DNAH9: variants seen among roughly 807,000 people sequenced by gnomAD.
The protein encoded by DNAH9 is DNAH9 variant protein.
In DNAH9, 345 loss-of-function variants were observed where a neutral mutation model predicts 471.6. The observed-to-expected ratio is 0.73, with a 90% CI of 0.67 to 0.80. The LOEUF is 0.80. DNAH9 is among the 30% of genes least tolerant of loss of function. The pLI is 0.00. For synonymous variants in DNAH9, 2,093 were observed against 2,123.6 expected, an observed-to-expected ratio of 0.99 and a Z score of 0.40; for missense variants, 5,407 against 5,609.2, an observed-to-expected ratio of 0.96 and a Z score of 1.15.
intron 43 of DNAH9, among the ~76,000 whole-genome samples, chr17:11,805,865 T>C (rs1462603783): frequency 6.6e-6 from 1 of 151,828 alleles, no homozygotes; most frequent in Non-Finnish European, 1.5e-5. Flanking sequence ...CAAAGAACTT[T>C]TTATTGCTAC....
At chr17:11,755,665 T>G (rs1967351966) in intron 33 of DNAH9, among the ~76,000 whole-genome samples, 1 of 151,268 alleles carries the variant, frequency 6.6e-6, no homozygotes, top group African/African-American at 2.5e-5. Context: ...TAAATAACTT[T>G]TTTTTTCTGA....
chr17:11,943,138 C>G (rs1974997812), intron 67 of DNAH9, among the ~76,000 whole-genome samples: 1 of 151,858 alleles, frequency 6.6e-6, no homozygotes, highest in Non-Finnish European at 1.5e-5. Context: ...TCATAATCCA[C>G]CCGCCTCAGC....
intron 32 of DNAH9, among the ~76,000 whole-genome samples, chr17:11,748,174 A>G (rs936334232): frequency 7.8e-6 from 1 of 128,086 alleles, no homozygotes; most frequent in Admixed American, 8.2e-5. Flanking sequence ...AAAAAAAAAA[A>G]AAATCAGCTG....
At chr17:11,782,879 G>A (rs1162372884) in intron 39 of DNAH9, among the ~76,000 whole-genome samples, 1 of 152,160 alleles carries the variant, frequency 6.6e-6, no homozygotes, top group Non-Finnish European at 1.5e-5. Flanking sequence ...CTGGGTGACC[G>A]AGCAAGACTC....
At chr17:11,772,795 T>C (rs1315403663) in intron 38 of DNAH9, among the ~76,000 whole-genome samples, 1 of 152,158 alleles carries the variant, frequency 6.6e-6, no homozygotes, top group Non-Finnish European at 1.5e-5. Flanking sequence ...ACCTCTCCTG[T>C]CCAGAGGCAA....
chr17:11,664,832 G>C lies in DNAH9; in HGVS notation c.2596-1G>C. The C allele has an allele frequency of 6.2e-7, 1 of 1,611,524 alleles. No individual in the cohort carries two copies. Among genetic ancestry groups the C allele is most frequent in the Non-Finnish European group, 8.5e-7 (1 of 1,178,290 alleles). ...TATATCCTTTCTTCTTCCTTTTATAGGAAAACCTGGGTCTATTTTCAGCAG... is the reference window on the plus strand; with the variant it reads ...TATATCCTTTCTTCTTCCTTTTATACGAAAACCTGGGTCTATTTTCAGCAG... On this transcript the variant is annotated splice_acceptor_variant, in intron 14 of 68. Coordinates refer to ENST00000262442, the MANE Select transcript of DNAH9 (RefSeq NM_001372.4). LOFTEE classifies it high-confidence loss of function.
At chr17:11,941,373 T>C (rs1170989189) in intron 66 of DNAH9, among the ~76,000 whole-genome samples, 1 of 152,108 alleles carries the variant, frequency 6.6e-6, no homozygotes, top group Non-Finnish European at 1.5e-5. Flanking sequence ...GGCTGTGTGG[T>C]CTATTATGTC....
In DNAH9 at chr17:11,888,201, G is replaced by A. The variant is rs144204571; in HGVS notation, c.11112+1236G>A. Reference sequence around the variant, plus strand: ...GGGTTTCACTGTGTTAGCCAGGATGGTCTCGATCTCCGGACTTCGTGATCC... The same window carrying A: ...GGGTTTCACTGTGTTAGCCAGGATGATCTCGATCTCCGGACTTCGTGATCC... On this transcript the variant is annotated intron_variant, in intron 57 of 68. Coordinates refer to ENST00000262442, the MANE Select transcript of DNAH9 (RefSeq NM_001372.4). 1.6e-3 allele frequency among the ~76,000 whole-genome samples: 239 copies of A among 151,976 alleles called. 5 individuals are homozygous for A. In the East Asian group the frequency reaches 0.034, roughly 22 times the overall value.
chr17:11,819,061 A>G (rs903194659), intron 45 of DNAH9, among the ~76,000 whole-genome samples: 1 of 151,656 alleles, frequency 6.6e-6, no homozygotes, highest in African/African-American at 2.4e-5. Flanking sequence ...CTCTTCTCTG[A>G]TTTCAAACAT....
At chr17:11,956,113 CG>C (rs2151445889) in intron 67 of DNAH9, among the ~76,000 whole-genome samples, 1 of 152,032 alleles carries the variant, frequency 6.6e-6, no homozygotes, top group East Asian at 1.9e-4. Context: ...AAAAAAACTA[CG>C]TATCCAGCTA....
chr17:11,785,203 A>T (rs992480734), intron 41 of DNAH9, among the ~76,000 whole-genome samples: 1 of 152,036 alleles, frequency 6.6e-6, no homozygotes, highest in Admixed American at 6.6e-5. Context: ...GTCTGGTCAG[A>T]TGTAGTATCC....
intron 67 of DNAH9, among the ~76,000 whole-genome samples, chr17:11,954,431 AGAG>A (rs1313731335): frequency 2.0e-5 from 3 of 152,182 alleles, no homozygotes; most frequent in African/African-American, 7.2e-5. Flanking sequence ...AAAAGCAGCA[AGAG>A]GAGAAAAATA....
At chr17:11,868,478 T>C (rs746909380) in intron 50 of DNAH9, among the ~76,000 whole-genome samples, 1 of 152,116 alleles carries the variant, frequency 6.6e-6, no homozygotes, top group Non-Finnish European at 1.5e-5. Context: ...TTTTTAAATA[T>C]TGAAATTATG....
At chr17:11,603,905 G>A (rs1393005418) in intron 1 of DNAH9, among the ~76,000 whole-genome samples, 1 of 152,118 alleles carries the variant, frequency 6.6e-6, no homozygotes, top group Non-Finnish European at 1.5e-5. Context: ...GTTTGTCATA[G>A]CTCATGATCA....
chr17:11,769,424 G>A, intron 38 of DNAH9, 95 bp downstream of exon 38: 1 of 1,108,074 alleles, frequency 9.0e-7, no homozygotes, highest in African/African-American at 1.5e-5. Flanking sequence ...TGCCTGACTT[G>A]AGTTCTGCAT....
chr17:11,635,481 C>T (rs1253895969), intron 8 of DNAH9, among the ~76,000 whole-genome samples: 1 of 151,962 alleles, frequency 6.6e-6, no homozygotes, highest in East Asian at 1.9e-4. Context: ...GTGCCCGGCC[C>T]TCTTTTCAAT....
chr17:11,729,442 C>T (rs1315962800), intron 28 of DNAH9, among the ~76,000 whole-genome samples: 4 of 152,084 alleles, frequency 2.6e-5, no homozygotes, highest in African/African-American at 2.4e-5. Flanking sequence ...TAGTGTGTGC[C>T]GCACACCATA....
At chr17:11,895,104 C>T (rs1037940393) in intron 59 of DNAH9, among the ~76,000 whole-genome samples, 1 of 152,218 alleles carries the variant, frequency 6.6e-6, no homozygotes, top group African/African-American at 2.4e-5. Context: ...TTTGGTCTGT[C>T]TGATGGCAGA....
chr17:11,930,862 T>C (rs1191309207), intron 63 of DNAH9, among the ~76,000 whole-genome samples: 1 of 152,158 alleles, frequency 6.6e-6, no homozygotes, highest in Non-Finnish European at 1.5e-5. Flanking sequence ...AGGAGATTCT[T>C]ATACACAGTC....
Sources: gnomAD v4.1 joint callset for allele counts (sites outside exome capture counted in the v4.1 genomes callset) on GRCh38, gnomAD v4.1.1 for gene constraint, MANE v1.5 for transcripts, NCBI Gene and HGNC (gene_info 2026-07-23, HGNC 2026-07-21) for gene names.